TRERF1: variants seen among roughly 807,000 people sequenced by gnomAD.
The protein encoded by TRERF1 is transcriptional-regulating factor 1.
TRERF1 carries 27 observed loss-of-function variants against 122.9 expected under a neutral mutation model. The observed-to-expected ratio is 0.22, with a 90% CI of 0.16 to 0.30. The LOEUF is 0.30. TRERF1 is among the 10% of genes least tolerant of loss of function. The pLI, the probability that TRERF1 is intolerant of heterozygous loss-of-function variation, is 1.00. For missense variants in TRERF1, 1,248 were observed against 1,560.3 expected (o/e 0.80, Z 3.37); for synonymous variants, 636 against 641.7 (o/e 0.99, Z 0.13).
At chr6:42,420,915 T>C (rs1024311964) in intron 2 of TRERF1, among the ~76,000 whole-genome samples, 1 of 152,196 alleles carries the variant, frequency 6.6e-6, no homozygotes, top group African/African-American at 2.4e-5. Flanking sequence ...GCCCGAACAC[T>C]TCCCGCTTTT....
intron 3 of TRERF1, among the ~76,000 whole-genome samples, chr6:42,327,945 C>A (rs1276025401): frequency 6.6e-6 from 1 of 151,478 alleles, no homozygotes; most frequent in Non-Finnish European, 1.5e-5. Context: ...TTATCACAAT[C>A]CACCTTATTA....
intron 2 of TRERF1, among the ~76,000 whole-genome samples, chr6:42,414,868 T>C (rs1781610912): frequency 6.6e-6 from 1 of 152,238 alleles, no homozygotes; most frequent in Non-Finnish European, 1.5e-5. Flanking sequence ...ATGATTACAA[T>C]AATGTCCAAT....
chr6:42,256,702 A>T, intron 12 of TRERF1, 26 bp downstream of exon 12: 1 of 1,595,470 alleles, frequency 6.3e-7, no homozygotes, highest in Non-Finnish European at 8.6e-7. Context: ...AGGAATTTGT[A>T]AAGCCTCTTT....
intron 13 of TRERF1, among the ~76,000 whole-genome samples, chr6:42,250,509 A>G (rs1775553111): frequency 6.6e-6 from 1 of 152,128 alleles, no homozygotes; most frequent in South Asian, 2.1e-4. Context: ...TGGATCCTGC[A>G]TCTTGGACAA....
At chr6:42,440,255 A>C (rs894156927) in intron 2 of TRERF1, among the ~76,000 whole-genome samples, 4 of 152,158 alleles carry the variant, frequency 2.6e-5, no homozygotes, top group African/African-American at 9.7e-5. Context: ...TAGAGTCTAG[A>C]GGTCTGTACA....
At chr6:42,337,211 C>T (rs114270485) in intron 3 of TRERF1, among the ~76,000 whole-genome samples, 1,765 of 152,252 alleles carry the variant, frequency 0.012, 39 homozygotes, top group African/African-American at 0.039. Flanking sequence ...TGGGTAGGGG[C>T]CAGAAGACCC....
chr6:42,229,849 A>T (rs1235620818), intron 17 of TRERF1, among the ~76,000 whole-genome samples: 6 of 152,188 alleles, frequency 3.9e-5, no homozygotes, highest in Non-Finnish European at 8.8e-5. Flanking sequence ...AGTGGGCCAA[A>T]TCCTGACTGT....
intron 13 of TRERF1, among the ~76,000 whole-genome samples, chr6:42,254,327 G>A (rs1392693050): frequency 6.6e-6 from 1 of 152,190 alleles, no homozygotes; most frequent in African/African-American, 2.4e-5. Flanking sequence ...TACACAGTAA[G>A]TGTTCAAAAA....
rs1480535140 is a variant in TRERF1, at chr6:42,408,428, G to A, written c.-454+42749C>T. Among the ~76,000 whole-genome samples, 32 of 130,016 alleles carry A rather than the reference G, an allele frequency of 2.5e-4. 1 individual carries two copies. The highest frequency in any genetic ancestry group is 2.4e-3 in the Admixed American group (25 of 10,316). 85.3% of individuals were successfully genotyped at this position (130,016 alleles called of 152,430 possible). ...CTCACTCACTCTGTTGCCCAGGCTG[G>A]AGTGCAGTGGCGTGATCTCGGCTCA... On this transcript the variant is annotated intron_variant, in intron 2 of 17. Transcript: ENST00000372922.
intron 4 of TRERF1, among the ~76,000 whole-genome samples, chr6:42,297,120 TA>T (rs1424949084): frequency 3.9e-5 from 6 of 152,214 alleles, no homozygotes; most frequent in Non-Finnish European, 7.3e-5. Context: ...GGCCTATGGC[TA>T]CACCCTCTCT....
intron 3 of TRERF1, among the ~76,000 whole-genome samples, chr6:42,320,506 A>ATTTTTTTTT (rs397977723): frequency 1.6e-4 from 22 of 136,776 alleles, no homozygotes; most frequent in African/African-American, 6.3e-4. Flanking sequence ...AAGTGAAAGA[A>ATTTTTTTTT]TTTTTTTTTT....
intron 3 of TRERF1, among the ~76,000 whole-genome samples, chr6:42,338,828 G>A (rs956295200): frequency 6.6e-6 from 1 of 152,174 alleles, no homozygotes; most frequent in African/African-American, 2.4e-5. Flanking sequence ...CCCACACTCA[G>A]GAACTTCTCA....
At chr6:42,362,303 T>C (rs1483927961) in intron 3 of TRERF1, among the ~76,000 whole-genome samples, 1 of 152,054 alleles carries the variant, frequency 6.6e-6, no homozygotes, top group African/African-American at 2.4e-5. Context: ...GCGTGGCACA[T>C]GCCAAGAAAA....
At chr6:42,421,227 C>T (rs778910271) in intron 2 of TRERF1, among the ~76,000 whole-genome samples, 2 of 152,148 alleles carry the variant, frequency 1.3e-5, no homozygotes, top group African/African-American at 2.4e-5. Flanking sequence ...TCTAAGTGAT[C>T]AATAAACAGC....
intron 8 of TRERF1, among the ~76,000 whole-genome samples, chr6:42,260,051 C>T (rs1777551343): frequency 6.6e-6 from 1 of 152,086 alleles, no homozygotes; most frequent in Admixed American, 6.5e-5. Context: ...TGGAATCCAG[C>T]TGAGTGGGCT....
At chr6:42,392,931 T>TATAC in intron 2 of TRERF1, among the ~76,000 whole-genome samples, 1 of 148,106 alleles carries the variant, frequency 6.8e-6, no homozygotes, top group Admixed American at 6.7e-5. Context: ...TACACACACA[T>TATAC]ACACACACAC....
At chr6:42,260,612 G>T (rs1269184757) in intron 8 of TRERF1, among the ~76,000 whole-genome samples, 1 of 152,202 alleles carries the variant, frequency 6.6e-6, no homozygotes, top group East Asian at 1.9e-4. Flanking sequence ...GAGGCAGTGT[G>T]GTTGGGAGGG....
intron 2 of TRERF1, among the ~76,000 whole-genome samples, chr6:42,433,974 G>A (rs1390958853): frequency 6.6e-6 from 1 of 152,220 alleles, no homozygotes; most frequent in African/African-American, 2.4e-5. Context: ...AGTGAGCCAA[G>A]TTTGTGCCAC....
intron 2 of TRERF1, among the ~76,000 whole-genome samples, chr6:42,413,736 C>A (rs895287770): frequency 6.6e-6 from 1 of 152,060 alleles, no homozygotes; most frequent in African/African-American, 2.4e-5. Flanking sequence ...CCAGAATCTG[C>A]GTTTTAACAA....
Sources: allele counts gnomAD v4.1 joint callset (sites outside exome capture counted in the v4.1 genomes callset), GRCh38; gene constraint gnomAD v4.1.1; transcripts MANE v1.5; gene names NCBI Gene and HGNC (gene_info 2026-07-23, HGNC 2026-07-21).